ZFHX3: variants seen among roughly 807,000 people sequenced by gnomAD.
The protein encoded by ZFHX3 is zinc finger homeobox protein 3.
Under a neutral mutation model 279.1 loss-of-function variants are expected in ZFHX3, and 42 were observed. That is an observed-to-expected ratio of 0.15 (90% CI 0.12 to 0.19). The LOEUF (loss-of-function observed/expected upper bound fraction) is 0.19, where lower values mean the gene tolerates loss of function less well. ZFHX3 is among the 10% of genes least tolerant of loss of function. ZFHX3 has a pLI of 1.00. For missense variants in ZFHX3, 4,981 were observed against 4,754.0 expected (o/e 1.05, Z -1.40); for synonymous variants, 2,293 against 1,957.8 (o/e 1.17, Z -4.52).
At chr16:73,250,621 G>C (rs28628887) in intron 5 of ZFHX3, among the ~76,000 whole-genome samples, 42,675 of 151,964 alleles carry the variant, frequency 0.28, 6,940 homozygotes, top group African/African-American at 0.45. Context: ...GCAAGCTCCA[G>C]CTCCTGGATT....
chr16:72,988,790 A>G (rs146124233), intron 1 of ZFHX3, among the ~76,000 whole-genome samples: 4,336 of 152,374 alleles, frequency 0.028, 86 homozygotes, highest in Non-Finnish European at 0.045. Context: ...CAAAATCATC[A>G]TAATTTTTCA....
intron 5 of ZFHX3, among the ~76,000 whole-genome samples, chr16:73,172,254 G>A (rs951542739): frequency 2.0e-5 from 3 of 152,224 alleles, no homozygotes; most frequent in South Asian, 4.1e-4. Context: ...GCCCGGCCTT[G>A]TCTCTGCCAT....
intron 8 of ZFHX3, among the ~76,000 whole-genome samples, chr16:73,080,208 C>T (rs1838342147): frequency 6.6e-6 from 1 of 152,186 alleles, no homozygotes; most frequent in Non-Finnish European, 1.5e-5. Context: ...ACACTTTTGC[C>T]CAGTACAATT....
chr16:73,192,813 C>T lies in ZFHX3; in HGVS notation c.-1103-48982G>A, dbSNP rs116436608. Among the ~76,000 whole-genome samples the T allele has an allele frequency of 1.8e-3, 281 of 152,302 alleles. 1 individual carries two copies. Among genetic ancestry groups the T allele is most frequent in the African/African-American group, 6.5e-3 (270 of 41,562 alleles). Reference sequence around the variant, plus strand: ...GCATTGCTCATCGCACAAATGGGGTCATTCATTTCCTTCCCTCTCCTTTTT... The same window carrying T: ...GCATTGCTCATCGCACAAATGGGGTTATTCATTTCCTTCCCTCTCCTTTTT... On this transcript the variant is annotated intron_variant, in intron 5 of 17. Transcript: ENST00000641206.
intron 6 of ZFHX3, among the ~76,000 whole-genome samples, chr16:73,143,037 C>A (rs370784593): frequency 8.4e-4 from 128 of 152,122 alleles, no homozygotes; most frequent in African/African-American, 3.0e-3. Flanking sequence ...TTGCCATTTC[C>A]CTTCTAGGGA....
intron 5 of ZFHX3, among the ~76,000 whole-genome samples, chr16:72,815,082 C>T (rs957114724): frequency 6.6e-6 from 1 of 152,138 alleles, no homozygotes; most frequent in South Asian, 2.1e-4. Context: ...GTACCAAAGT[C>T]GTTACACCAT....
chr16:73,331,557 A>G (rs781112841), intron 3 of ZFHX3, among the ~76,000 whole-genome samples: 3 of 152,122 alleles, frequency 2.0e-5, no homozygotes, highest in Non-Finnish European at 4.4e-5. Context: ...TACATCCACA[A>G]TTGTGCTTTC....
chr16:73,621,516 G>T (rs1480089169), intron 2 of ZFHX3, among the ~76,000 whole-genome samples: 1 of 152,120 alleles, frequency 6.6e-6, no homozygotes, highest in Non-Finnish European at 1.5e-5. Context: ...AATCTAAATG[G>T]TTGTGTTTAT....
At chr16:73,421,510 A>G (rs1031446318) in intron 3 of ZFHX3, 6 of 152,248 alleles carry the variant, frequency 3.9e-5, no homozygotes, top group African/African-American at 4.8e-5. Context: ...TCTTTAGGAT[A>G]CATCCGTATT....
chr16:73,416,132 A>AC (rs1021736969), intron 3 of ZFHX3, among the ~76,000 whole-genome samples: 14 of 151,316 alleles, frequency 9.3e-5, no homozygotes, highest in African/African-American at 3.2e-4. Context: ...CAAAAAAAAA[A>AC]AAAAAACAAA....
chr16:73,195,993 C>T (rs1968140243), intron 5 of ZFHX3, among the ~76,000 whole-genome samples: 2 of 152,020 alleles, frequency 1.3e-5, no homozygotes, highest in Non-Finnish European at 2.9e-5. Flanking sequence ...ACACACATGC[C>T]GTGTACATAT....
At chr16:72,945,343 T>C (rs16971428) in intron 3 of ZFHX3, among the ~76,000 whole-genome samples, 2,988 of 152,280 alleles carry the variant, frequency 0.02, 53 homozygotes, top group South Asian at 0.053. Flanking sequence ...TGGAGTCCTC[T>C]TGAAGTTAAC....
At chr16:73,240,818 A>G (rs1005727287) in intron 5 of ZFHX3, among the ~76,000 whole-genome samples, 1 of 152,228 alleles carries the variant, frequency 6.6e-6, no homozygotes, top group African/African-American at 2.4e-5. Flanking sequence ...TACTATCAGG[A>G]TATACTAGTG....
chr16:73,688,318 C>A (rs1003533817), intron 1 of ZFHX3, among the ~76,000 whole-genome samples: 3 of 147,048 alleles, frequency 2.0e-5, no homozygotes, highest in Non-Finnish European at 4.5e-5. Context: ...GATCACACTG[C>A]TGCACTCCAG....
chr16:73,582,837 A>G (rs2051875960), intron 2 of ZFHX3, among the ~76,000 whole-genome samples: 1 of 151,492 alleles, frequency 6.6e-6, no homozygotes, highest in African/African-American at 2.5e-5. Context: ...GAGTTATATA[A>G]GATGATACTC....
intron 1 of ZFHX3, among the ~76,000 whole-genome samples, chr16:73,010,960 G>A (rs536748074): frequency 3.3e-5 from 5 of 151,890 alleles, no homozygotes; most frequent in South Asian, 2.1e-4. Context: ...GTGCACCACC[G>A]CACTGGGTTA....
At chr16:73,617,577 T>C (rs994693349) in intron 2 of ZFHX3, among the ~76,000 whole-genome samples, 1 of 152,214 alleles carries the variant, frequency 6.6e-6, no homozygotes, top group African/African-American at 2.4e-5. Context: ...TTCCATGAGA[T>C]GTACATGCCT....
chr16:73,369,279 C>T (rs1211058294), intron 3 of ZFHX3, among the ~76,000 whole-genome samples: 1 of 152,180 alleles, frequency 6.6e-6, no homozygotes. Flanking sequence ...GCAGAACTGG[C>T]TACATAATTT....
At chr16:72,978,209 G>A (rs1962436814) in intron 1 of ZFHX3, among the ~76,000 whole-genome samples, 1 of 152,106 alleles carries the variant, frequency 6.6e-6, no homozygotes, top group Admixed American at 6.6e-5. Context: ...GAGCATTCAC[G>A]ACCCAGCCCT....
Sources: gnomAD v4.1 joint callset for allele counts (sites outside exome capture counted in the v4.1 genomes callset) on GRCh38, gnomAD v4.1.1 for gene constraint, MANE v1.5 for transcripts, NCBI Gene and HGNC (gene_info 2026-07-23, HGNC 2026-07-21) for gene names.